PPP4R3A: variants seen among roughly 807,000 people sequenced by gnomAD.
PPP4R3A encodes the protein protein phosphatase 4 regulatory subunit 3A, also known as serine/threonine-protein phosphatase 4 regulatory subunit 3A.
A neutral mutation model predicts 91.7 loss-of-function variants in PPP4R3A; 15 were observed. The observed-to-expected ratio is 0.16, with a 90% confidence interval of 0.11 to 0.25. The LOEUF is 0.25. Among genes scored for constraint, PPP4R3A ranks in the 10% least tolerant of loss-of-function variants. PPP4R3A has a pLI of 1.00. For missense variants in PPP4R3A, 623 were observed against 998.4 expected (o/e 0.62, Z 5.07); for synonymous variants, 377 against 348.7 (o/e 1.08, Z -0.91).
rs911302448 is a variant in PPP4R3A, at chr14:91,462,294, T to C, written c.1974-55A>G. On this transcript the variant is annotated intron_variant, in intron 12 of 14. Coordinates refer to ENST00000554943, the MANE Select transcript of PPP4R3A (RefSeq NM_001366432.2). ...ATCATATATGGACTTAATTGTACTGTTACAGATGACTTATTAAACTTGTTA... is the reference window on the plus strand; with the variant it reads ...ATCATATATGGACTTAATTGTACTGCTACAGATGACTTATTAAACTTGTTA... The C allele has an allele frequency of 1.3e-5, 19 of 1,416,640 alleles. No homozygotes were observed. The African/African-American group carries it at 2.4e-4, about 18-fold the overall frequency. 87.8% of individuals were successfully genotyped at this position (1,416,640 alleles called of 1,614,324 possible).
At position 91,462,099 on chromosome 14, in the gene PPP4R3A, T is replaced by C. The variant is rs770975042; in HGVS notation, c.2114A>G (p.Asn705Ser). The change falls in exon 13 of 15, where the codon AAT becomes AGT. Residue 705 changes from asparagine to serine, a missense_variant. By Grantham distance (46) the Asn-to-Ser change is conservative. This residue lies in a region of PPP4R3A where 201 missense variants were observed against 229.9 expected (regional missense o/e 0.87). Coordinates refer to ENST00000554943, the MANE Select transcript of PPP4R3A (RefSeq NM_001366432.2). ...AVVSPSDKTKNDDDIMDPISK... is the reference protein window; with the variant it reads ...AVVSPSDKTKSDDDIMDPISK... ...TATTGGATCCATAATATCATCATCA[T>C]TTTTAGTTTTGTCAGATGGAGACAC... 47 of 1,563,412 alleles carry C rather than the reference T, an allele frequency of 3.0e-5. No homozygotes were observed. Among genetic ancestry groups the C allele is most frequent in the Middle Eastern group, 3.4e-4 (2 of 5,936 alleles).
chr14:91,482,142 A>T lies in PPP4R3A; in HGVS notation c.349T>A (p.Ser117Thr). Residue 117 changes from serine (S) to threonine (T), a missense_variant, in exon 4 of 15, where the codon TCT becomes ACT. Coordinates refer to ENST00000554943, the MANE Select transcript of PPP4R3A (RefSeq NM_001366432.2). ...ATATCATCAAAACGCTCCTCTTCAG[A>T]TTCATCCACAAGGTCCTGAGTGATG... ...VDITQDLVDESEEERFDDMSS... is the reference protein window; with the variant it reads ...VDITQDLVDETEEERFDDMSS... The T allele has an allele frequency of 6.2e-7, 1 of 1,614,132 alleles. No individual in the cohort carries two copies. The highest frequency in any genetic ancestry group is 8.5e-7 in the Non-Finnish European group (1 of 1,180,020).
intron 11 of PPP4R3A, among the ~76,000 whole-genome samples, chr14:91,464,342 A>C (rs1028066948): frequency 6.5e-5 from 8 of 123,110 alleles, no homozygotes; most frequent in Admixed American, 6.3e-4. Flanking sequence ...CTCACCCCCC[A>C]AAAAAAGCAT....
At chr14:91,476,647 C>T (rs191327061) in intron 5 of PPP4R3A, 123 bp from the exon 6 acceptor site, 1 of 711,024 alleles carries the variant, frequency 1.4e-6, no homozygotes, top group South Asian at 2.0e-5. Context: ...CTCACTGCAA[C>T]CTCCACCTCC....
At position 91,490,091 on chromosome 14, in the gene PPP4R3A, T is replaced by C. The variant is rs376381818; in HGVS notation, c.198+656A>G. 5.4e-4 allele frequency among the ~76,000 whole-genome samples: 83 copies of C among 152,366 alleles called. No homozygotes were observed. In the South Asian group the frequency reaches 0.012, roughly 22 times the overall value. ...AATGAGGGAACTGATCTTGACTTCA[T>C]TGGCTATATAGAGCACTCATCCTGT... On this transcript the variant is annotated intron_variant, in intron 2 of 14. Coordinates refer to ENST00000554943, the MANE Select transcript of PPP4R3A (RefSeq NM_001366432.2).
intron 11 of PPP4R3A, among the ~76,000 whole-genome samples, chr14:91,463,088 GGAGT>G (rs1327695279): frequency 6.6e-6 from 1 of 150,958 alleles, no homozygotes; most frequent in East Asian, 1.9e-4. Context: ...TTTTTGAGAT[GGAGT>G]TTTGCTCTTA....
At chr14:91,489,365 A>C (rs1890096429) in intron 2 of PPP4R3A, among the ~76,000 whole-genome samples, 1 of 152,210 alleles carries the variant, frequency 6.6e-6, no homozygotes, top group Admixed American at 6.5e-5. Flanking sequence ...TGTAAAGCCA[A>C]TAACACATTC....
chr14:91,497,438 C>G (rs1268838077), intron 1 of PPP4R3A, among the ~76,000 whole-genome samples: 1 of 151,750 alleles, frequency 6.6e-6, no homozygotes, highest in East Asian at 1.9e-4. Flanking sequence ...GAAAGGAAAT[C>G]CTACACTCCA....
intron 3 of PPP4R3A, among the ~76,000 whole-genome samples, chr14:91,483,540 AG>A (rs1889697744): frequency 2.6e-5 from 4 of 152,218 alleles, no homozygotes; most frequent in African/African-American, 9.7e-5. Context: ...GAAAAATGTT[AG>A]ATTTTGATTA....
intron 1 of PPP4R3A, among the ~76,000 whole-genome samples, chr14:91,497,163 G>A (rs1247351218): frequency 6.6e-6 from 1 of 152,088 alleles, no homozygotes; most frequent in Admixed American, 6.6e-5. Context: ...CATTAAGAGG[G>A]AGGCAGAGAA....
chr14:91,468,523 G>A (rs1888617025), intron 10 of PPP4R3A, among the ~76,000 whole-genome samples: 1 of 151,868 alleles, frequency 6.6e-6, no homozygotes, highest in Non-Finnish European at 1.5e-5. Flanking sequence ...ACAAAAATTA[G>A]CTGGGTGTAG....
chr14:91,505,240 G>T (rs563125855), intron 1 of PPP4R3A, among the ~76,000 whole-genome samples: 1 of 152,078 alleles, frequency 6.6e-6, no homozygotes, highest in Non-Finnish European at 1.5e-5. Context: ...ATCACCTGAT[G>T]TCAGCAGTTC....
chr14:91,465,466 T>C (rs1373821964), intron 10 of PPP4R3A, 47 bp from the exon 11 acceptor site: 3 of 1,442,816 alleles, frequency 2.1e-6, no homozygotes, highest in Non-Finnish European at 2.7e-6. Context: ...CACTCTTCCA[T>C]ACTTTAGACT....
intron 10 of PPP4R3A, among the ~76,000 whole-genome samples, chr14:91,466,721 T>G (rs1888491997): frequency 6.6e-6 from 1 of 152,074 alleles, no homozygotes; most frequent in Non-Finnish European, 1.5e-5. Flanking sequence ...CTAACAAGGG[T>G]TTATTTTCCC....
intron 10 of PPP4R3A, among the ~76,000 whole-genome samples, chr14:91,468,330 T>C (rs943561080): frequency 5.3e-5 from 8 of 152,322 alleles, no homozygotes; most frequent in Admixed American, 2.0e-4. Flanking sequence ...TGAACTGAAC[T>C]AAAGAAAAGT....
intron 10 of PPP4R3A, chr14:91,466,412 G>C: frequency 1.0e-6 from 1 of 985,728 alleles, no homozygotes; most frequent in Non-Finnish European, 1.2e-6. Flanking sequence ...ATGCTGACAC[G>C]GTTTCTGGGT....
chr14:91,473,266 G>A lies in PPP4R3A; in HGVS notation c.1371C>T (p.Asp457=), dbSNP rs1377905175. 1 of 1,613,878 alleles carries A rather than the reference G, an allele frequency of 6.2e-7. No individual in the cohort carries two copies. Among genetic ancestry groups the A allele is most frequent in the Non-Finnish European group, 8.5e-7 (1 of 1,179,934 alleles). The change falls in exon 8 of 15, where the codon GAC becomes GAT. Residue 457 remains aspartate, a synonymous_variant. Transcript: ENST00000554943. ...QLMGLLRTLV[D]PENMLATANK... ...TGGCAGTGGCTAGCATGTTCTCTGG[G>A]TCAACTAAAGTTCGAAGCAGGCCCA...
chr14:91,476,618 T>A (rs548986491), intron 5 of PPP4R3A, 94 bp from the exon 6 acceptor site: 1 of 904,438 alleles, frequency 1.1e-6, no homozygotes, highest in African/African-American at 1.7e-5. Flanking sequence ...GACGCTGGAG[T>A]GCAATGGCAC....
At chr14:91,493,397 G>T (rs548032872) in intron 1 of PPP4R3A, among the ~76,000 whole-genome samples, 3 of 150,858 alleles carry the variant, frequency 2.0e-5, no homozygotes, top group South Asian at 4.1e-4. Flanking sequence ...CAAGAGACAG[G>T]CAGGAGGATC....
Sources: allele counts gnomAD v4.1 joint callset (sites outside exome capture counted in the v4.1 genomes callset), GRCh38; gene constraint gnomAD v4.1.1; regional missense constraint gnomAD v4.1.1; transcripts MANE v1.5; gene names NCBI Gene and HGNC (gene_info 2026-07-23, HGNC 2026-07-21).